ZNF486: variants seen among roughly 807,000 people sequenced by gnomAD.
The protein encoded by ZNF486 is zinc finger protein 486.
ZNF486 carries 12 observed loss-of-function variants against 12.8 expected under a neutral mutation model. The ratio of observed to expected loss-of-function variants is 0.94; its 90% CI spans 0.60 to 1.52. The LOEUF (loss-of-function observed/expected upper bound fraction) is 1.52, where lower values mean the gene tolerates loss of function less well. Among genes scored for constraint, ZNF486 ranks in the 40% most tolerant of loss-of-function variants. The pLI is 0.00. For missense variants in ZNF486, 738 were observed against 545.0 expected, an observed-to-expected ratio of 1.35 and a Z score of -3.53; for synonymous variants, 231 against 184.9, an observed-to-expected ratio of 1.25 and a Z score of -2.02.
intron 1 of ZNF486, among the ~76,000 whole-genome samples, chr19:20,172,097 T>C (rs181052225): frequency 4.6e-4 from 70 of 152,224 alleles, no homozygotes; most frequent in African/African-American, 1.6e-3. Flanking sequence ...CTCAACTTCC[T>C]GGTTCAAGTG....
At position 20,175,758 on chromosome 19, in the gene ZNF486, G is replaced by A. The variant is rs192426619; in HGVS notation, c.30+8398G>A. ...TTCTACACAGACACGGCAACCATCC[G>A]ATTTCTCAGTCTTTTCCGCACCTTT... is the stretch of plus-strand genomic sequence containing the variant. On this transcript the variant is annotated intron_variant, in intron 1 of 3. Transcript: ENST00000335117. Among the ~76,000 whole-genome samples, 191 of 152,302 alleles carry A rather than the reference G, an allele frequency of 1.3e-3. 1 individual carries two copies. The highest frequency in any genetic ancestry group is 4.3e-3 in the African/African-American group (180 of 41,554).
chr19:20,196,484 A>T (rs976687731), intron 3 of ZNF486, among the ~76,000 whole-genome samples: 10 of 152,128 alleles, frequency 6.6e-5, no homozygotes, highest in Non-Finnish European at 1.3e-4. Flanking sequence ...GCCCATGACC[A>T]TGACTGGCTA....
At position 20,197,042 on chromosome 19, in the gene ZNF486, A is replaced by C. The variant is rs781800068; in HGVS notation, c.332A>C (p.Lys111Thr). 1.2e-6 allele frequency: 2 copies of C among 1,610,864 alleles called. No homozygotes were observed. Among genetic ancestry groups the C allele is most frequent in the Non-Finnish European group, 1.7e-6 (2 of 1,179,310 alleles). The change falls in exon 4 of 4, where the codon AAA becomes ACA. Residue 111 changes from lysine to threonine, a missense_variant. Physicochemically the swap from Lys to Thr is moderately conservative, Grantham distance 78. Transcript: ENST00000335117. ...TCTTACCAAAAAGTGATACTGAGAA[A>C]ATTTGAAAAATGTGGACATGGCAAT... is the stretch of plus-strand genomic sequence containing the variant. Reference protein sequence around the residue: ...KDSYQKVILRKFEKCGHGNLH... With the variant: ...KDSYQKVILRTFEKCGHGNLH...
chr19:20,193,203 TA>T (rs2089919338), intron 3 of ZNF486, among the ~76,000 whole-genome samples: 1 of 152,118 alleles, frequency 6.6e-6, no homozygotes, highest in Admixed American at 6.6e-5. Context: ...GTTACTGATA[TA>T]AAAATTATTT....
chr19:20,167,425 G>C (rs2089596311), intron 1 of ZNF486, 65 bp downstream of exon 1: 1 of 1,577,422 alleles, frequency 6.3e-7, no homozygotes, highest in African/African-American at 1.3e-5. Context: ...TGGCTGTGGA[G>C]GGACTCAGGC....
chr19:20,186,008 A>G lies in ZNF486; in HGVS notation c.179A>G (p.Asp60Gly), dbSNP rs782725080. ...VFLGIIVSKP[D>G]LITCLEQGIK... ...ACAGGTATTATTGTCTCTAAGCCAG[A>G]CCTGATCACCTGTCTGGAGCAAGGA... Residue 60 changes from aspartate (D) to glycine (G), a missense_variant, in exon 3 of 4, where the codon GAC (aspartate) becomes GGC (glycine). Transcript: ENST00000335117. 2.5e-6 allele frequency: 4 copies of G among 1,583,236 alleles called. No individual in the cohort carries two copies. Among genetic ancestry groups the G allele is most frequent in the Non-Finnish European group, 2.6e-6 (3 of 1,167,760 alleles).
Position 20,197,315 on chromosome 19 carries a change from A to G in ZNF486, c.605A>G (p.Lys202Arg), listed in dbSNP as rs1555718180. The change falls in exon 4 of 4, where the codon AAA becomes AGA. Residue 202 changes from lysine to arginine, a missense_variant. Coordinates refer to ENST00000335117, the MANE Select transcript of ZNF486 (RefSeq NM_052852.4). ...NQSSTHTTHK[K>R]IDTGEKPYKC... ...TCCTCAACCCATACTACACATAAAA[A>G]AATTGATACTGGAGAGAAACCATAC... 1 of 1,612,372 alleles carries G rather than the reference A, an allele frequency of 6.2e-7. No individual in the cohort carries two copies. Among genetic ancestry groups the G allele is most frequent in the Non-Finnish European group, 8.5e-7 (1 of 1,179,446 alleles).
chr19:20,193,331 A>G lies in ZNF486; in HGVS notation c.254-3633A>G, dbSNP rs546515158. Among the ~76,000 whole-genome samples the G allele has an allele frequency of 3.4e-5, 5 of 147,252 alleles. No homozygotes were observed. The East Asian group carries it at 6.0e-4, about 18-fold the overall frequency. ...TTTTTTTGAAACTGGGTCTCACTCT[A>G]TTGCCCATGATGGAGTGCAGTGGTG... On this transcript the variant is annotated intron_variant, in intron 3 of 3. Transcript: ENST00000335117.
In ZNF486 at chr19:20,200,462, TAATAA is replaced by T. The variant is rs2090002381; in HGVS notation, c.*2364_*2368del. The T allele has an allele frequency of 6.6e-6, 1 of 152,144 alleles. No individual in the cohort carries two copies. Among genetic ancestry groups the T allele is most frequent in the Non-Finnish European group, 1.5e-5 (1 of 68,036 alleles). The allele number at this position is 152,144 out of a possible 1,614,324, so 9.4% of individuals were successfully genotyped here. ...ATATTTTACTTATTGTACTTTTATG[TAATAA>T]AATGCAGTGCATTTAAAAATTGTTA... On this transcript the variant is annotated 3_prime_UTR_variant, in exon 4 of 4. Coordinates refer to ENST00000335117, the MANE Select transcript of ZNF486 (RefSeq NM_052852.4).
At position 20,198,859 on chromosome 19, in the gene ZNF486, ATGG is replaced by A. The variant is rs1555718514; in HGVS notation, c.*760_*762del. On this transcript the variant is annotated 3_prime_UTR_variant, in exon 4 of 4. Coordinates refer to ENST00000335117, the MANE Select transcript of ZNF486 (RefSeq NM_052852.4). Reference sequence around the variant, plus strand: ...TTCTTAAGAGACATGGCGATAATTCATGGTGAAGAGGAACTTTACAAACCTGAA... The same window carrying A: ...TTCTTAAGAGACATGGCGATAATTCATGAAGAGGAACTTTACAAACCTGAA... 6.6e-6 allele frequency: 1 copy of A among 152,416 alleles called. No individual in the cohort carries two copies. The highest frequency in any genetic ancestry group is 1.9e-4 in the East Asian group (1 of 5,184). The allele number at this position is 152,416 out of a possible 1,614,324, so 9.4% of individuals were successfully genotyped here.
At chr19:20,179,965 A>G (rs1332892668) in intron 1 of ZNF486, among the ~76,000 whole-genome samples, 3 of 152,208 alleles carry the variant, frequency 2.0e-5, no homozygotes, top group African/African-American at 4.8e-5. Context: ...TCTTTCTCTC[A>G]TCCAAGAGCT....
Position 20,199,992 on chromosome 19 carries a change from T to G in ZNF486, c.*1890T>G, listed in dbSNP as rs1465270039. ...GGGAGGCTGAGGCAGAGAATTGGAATTGCTTGAACCTGGGAGGTGGAGGTT... is the reference window on the plus strand; with the variant it reads ...GGGAGGCTGAGGCAGAGAATTGGAAGTGCTTGAACCTGGGAGGTGGAGGTT... On this transcript the variant is annotated 3_prime_UTR_variant, in exon 4 of 4. Transcript: ENST00000335117. 1 of 151,600 alleles carries G rather than the reference T, an allele frequency of 6.6e-6. No individual in the cohort carries two copies. The highest frequency in any genetic ancestry group is 1.5e-5 in the Non-Finnish European group (1 of 67,970). 9.4% of individuals were successfully genotyped at this position (151,600 alleles called of 1,614,324 possible). A position where few individuals can be genotyped will look rare whatever the true frequency, so the allele number is the denominator to read the frequency against.
intron 1 of ZNF486, among the ~76,000 whole-genome samples, chr19:20,183,243 G>A (rs940527357): frequency 6.6e-6 from 1 of 152,290 alleles, no homozygotes; most frequent in African/African-American, 2.4e-5. Flanking sequence ...CAAGATTTCT[G>A]TTGGGGAAAA....
chr19:20,197,317 A>G lies in ZNF486; in HGVS notation c.607A>G (p.Ile203Val), dbSNP rs782570206. 1.9e-6 allele frequency: 3 copies of G among 1,612,624 alleles called. No homozygotes were observed. Among genetic ancestry groups the G allele is most frequent in the Non-Finnish European group, 2.5e-6 (3 of 1,179,484 alleles). Residue 203 changes from isoleucine (I) to valine (V), a missense_variant, in exon 4 of 4, where the codon ATT (isoleucine) becomes GTT (valine). By Grantham distance (29) the Ile-to-Val change is conservative. Coordinates refer to ENST00000335117, the MANE Select transcript of ZNF486 (RefSeq NM_052852.4). The stretch of plus-strand genomic sequence containing the variant: ...CTCAACCCATACTACACATAAAAAA[A>G]TTGATACTGGAGAGAAACCATACAA... ...QSSTHTTHKK[I>V]DTGEKPYKCE...
chr19:20,195,624 C>T (rs1426891104), intron 3 of ZNF486, among the ~76,000 whole-genome samples: 2 of 152,178 alleles, frequency 1.3e-5, no homozygotes, highest in African/African-American at 4.8e-5. Context: ...CTACCTGTTA[C>T]AATCTTTATA....
chr19:20,193,892 C>T (rs1397522495), intron 3 of ZNF486, among the ~76,000 whole-genome samples: 2 of 151,746 alleles, frequency 1.3e-5, no homozygotes, highest in Non-Finnish European at 2.9e-5. Flanking sequence ...TTAGTGGTAA[C>T]ATGGGGGATT....
At chr19:20,191,477 ATT>A (rs1412405273) in intron 3 of ZNF486, among the ~76,000 whole-genome samples, 52 of 144,794 alleles carry the variant, frequency 3.6e-4, no homozygotes, top group African/African-American at 1.3e-3. Context: ...AAAAAAAAAA[ATT>A]ATGCACTCGG....
chr19:20,197,428 T>G lies in ZNF486; in HGVS notation c.718T>G (p.Cys240Gly). The G allele has an allele frequency of 6.2e-7, 1 of 1,613,634 alleles. No individual in the cohort carries two copies. Among genetic ancestry groups the G allele is most frequent in the Non-Finnish European group, 8.5e-7 (1 of 1,179,838 alleles). ...ITHTREKPYKCEECGKVFKYF... is the reference protein window; with the variant it reads ...ITHTREKPYKGEECGKVFKYF... ...TCATACTAGAGAGAAACCCTACAAA[T>G]GTGAAGAATGTGGCAAAGTCTTTAA... The change falls in exon 4 of 4, where the codon TGT (cysteine) becomes GGT (glycine). Residue 240 changes from cysteine (C) to glycine (G), a missense_variant. Transcript: ENST00000335117.
rs561388314 is a variant in ZNF486 at position 20,182,006 on chromosome 19, T to C, written c.31-2350T>C. ...TAGTACTTGTGTACATGTTGTTTTT[T>C]AAATACAGACTTACTCTGTCATTTC... On this transcript the variant is annotated intron_variant, in intron 1 of 3. Coordinates refer to ENST00000335117, the MANE Select transcript of ZNF486 (RefSeq NM_052852.4). Among the ~76,000 whole-genome samples the C allele has an allele frequency of 2.0e-5, 3 of 152,318 alleles. No homozygotes were observed. In the South Asian group the frequency reaches 6.2e-4, roughly 32 times the overall value.
Sources: gnomAD v4.1 joint callset for allele counts (sites outside exome capture counted in the v4.1 genomes callset) on GRCh38, gnomAD v4.1.1 for gene constraint, MANE v1.5 for transcripts, NCBI Gene and HGNC (gene_info 2026-07-23, HGNC 2026-07-21) for gene names.